The following LRP4 variants were observed in gnomAD, a reference collection of about 807,000 sequenced individuals.
LRP4 encodes the protein LDL receptor related protein 4, also known as low-density lipoprotein receptor-related protein 4.
A neutral mutation model predicts 220.3 loss-of-function variants in LRP4; 95 were observed. That is an observed-to-expected ratio of 0.43 (90% confidence interval 0.37 to 0.51). LRP4 has a LOEUF of 0.51. LRP4 is among the 20% of genes least tolerant of loss of function. The pLI is 0.00. For missense variants in LRP4, 1,925 were observed against 2,567.0 expected (o/e 0.75, Z 5.40); for synonymous variants, 903 against 954.6 (o/e 0.95, Z 1.00).
chr11:46,898,033 C>T (rs1332130875), intron 7 of LRP4, among the ~76,000 whole-genome samples: 24 of 145,110 alleles, frequency 1.7e-4, no homozygotes, highest in Admixed American at 4.1e-4. Context: ...CCGGACGGGG[C>T]GGCTGGCCGG....
chr11:46,908,470 T>C (rs545633520), intron 1 of LRP4, among the ~76,000 whole-genome samples: 304 of 152,264 alleles, frequency 2.0e-3, no homozygotes, highest in African/African-American at 7.1e-3. Flanking sequence ...AAAGGTTAAG[T>C]CTGTAGATAG....
Position 46,886,428 on chromosome 11 carries a change from C to T in LRP4, c.2321G>A (p.Ser774Asn), listed in dbSNP as rs1386127308. 5 of 1,613,896 alleles carry T rather than the reference C, an allele frequency of 3.1e-6. No homozygotes were observed. Among genetic ancestry groups the T allele is most frequent in the Admixed American group, 3.3e-5 (2 of 59,986 alleles). ...GGAGTCCCAGTCAAGGGCCACAGCACTGCGCACGTCAGCCAGTGGGATGAC... is the reference window on the plus strand; with the variant it reads ...GGAGTCCCAGTCAAGGGCCACAGCATTGCGCACGTCAGCCAGTGGGATGAC... ...DDVIPLADVR[S>N]AVALDWDSRD... Residue 774 changes from serine (S) to asparagine (N), a missense_variant, in exon 17 of 38, where the codon AGT becomes AAT. Transcript: ENST00000378623.
chr11:46,904,911 G>A (rs1021462992), intron 1 of LRP4, among the ~76,000 whole-genome samples: 2 of 149,488 alleles, frequency 1.3e-5, no homozygotes, highest in African/African-American at 2.5e-5. Context: ...GGGAGGTTGA[G>A]GCTGCAGTGA....
Position 46,899,932 on chromosome 11 carries a change from A to G in LRP4, c.361T>C (p.Tyr121His). ...EEDEFPCQNG[Y>H]CIRSLWHCDG... ...CAGTGCCACAGACTCCGGATGCAGTAGCCATTCTGGCAGGGAAACTCGTCC... is the reference window on the plus strand; with the variant it reads ...CAGTGCCACAGACTCCGGATGCAGTGGCCATTCTGGCAGGGAAACTCGTCC... The change falls in exon 4 of 38, where the codon TAC (tyrosine) becomes CAC (histidine). Residue 121 changes from tyrosine (Y) to histidine (H), a missense_variant. Coordinates refer to ENST00000378623, the MANE Select transcript of LRP4 (RefSeq NM_002334.4). The surrounding 1 kb of genome is among the most constrained non-coding windows in gnomAD (Gnocchi z 5.9). The G allele has an allele frequency of 6.2e-7, 1 of 1,613,954 alleles. No homozygotes were observed. The highest frequency in any genetic ancestry group is 8.5e-7 in the Non-Finnish European group (1 of 1,180,026).
At position 46,898,603 on chromosome 11, in the gene LRP4, C is replaced by T. The variant is rs769206514; in HGVS notation, c.751G>A (p.Asp251Asn). 9.9e-6 allele frequency: 16 copies of T among 1,614,184 alleles called. No homozygotes were observed. Among genetic ancestry groups the T allele is most frequent in the Middle Eastern group, 1.6e-4 (1 of 6,062 alleles). Residue 251 changes from aspartate to asparagine, a missense_variant, in exon 7 of 38, where the codon GAT becomes AAT. Transcript: ENST00000378623. ...TGGTCATCACAGTCCGCGTCACCATCGCAGCGCCAGCCTGCATTGATGCAC... is the reference window on the plus strand; with the variant it reads ...TGGTCATCACAGTCCGCGTCACCATTGCAGCGCCAGCCTGCATTGATGCAC... ...GLCINAGWRC[D>N]GDADCDDQSD... is the part of the protein sequence containing the mutation.
chr11:46,881,410 G>C (rs761185518), intron 20 of LRP4, among the ~76,000 whole-genome samples: 6 of 152,166 alleles, frequency 3.9e-5, no homozygotes, highest in Non-Finnish European at 8.8e-5. Flanking sequence ...ACAAGCATTA[G>C]TTGTGCTGGT....
chr11:46,896,828 A>G, intron 8 of LRP4, 41 bp downstream of exon 8: 2 of 1,613,664 alleles, frequency 1.2e-6, no homozygotes, highest in East Asian at 2.2e-5. Context: ...TTCCACCCCA[A>G]CTATAGGCTA....
intron 1 of LRP4, among the ~76,000 whole-genome samples, chr11:46,910,787 C>T (rs1565806927): frequency 6.6e-6 from 1 of 151,068 alleles, no homozygotes; most frequent in Non-Finnish European, 1.5e-5. Context: ...GATTCTCCTG[C>T]CTCAGCCTCC....
At chr11:46,878,459 A>AGAC (rs1466604985) in intron 22 of LRP4, among the ~76,000 whole-genome samples, 1 of 151,752 alleles carries the variant, frequency 6.6e-6, no homozygotes, top group Non-Finnish European at 1.5e-5. Context: ...TTTTCAGTAG[A>AGAC]GACGAGGTTT....
intron 1 of LRP4, among the ~76,000 whole-genome samples, chr11:46,906,193 T>C (rs1941756867): frequency 6.6e-6 from 1 of 152,122 alleles, no homozygotes; most frequent in Non-Finnish European, 1.5e-5. Flanking sequence ...TGGTGGCTCA[T>C]GCCTATAATC....
At position 46,886,379 on chromosome 11, in the gene LRP4, T is replaced by C. The variant is rs1193447285; in HGVS notation, c.2370A>G (p.Thr790=). The C allele has an allele frequency of 6.2e-7, 1 of 1,608,282 alleles. No individual in the cohort carries two copies. The highest frequency in any genetic ancestry group is 1.7e-5 in the Admixed American group (1 of 58,986). The change falls in exon 17 of 38, where the codon ACA becomes ACG. Residue 790 remains threonine (T), a synonymous_variant. Transcript: ENST00000378623. ...WDSRDDHVYW[T]DVSTDTISRA... ...TGCTGATGGTATCAGTGCTGACATC[T>C]GTCCAGTACACGTGGTCATCCCGGG...
In LRP4 at chr11:46,898,665, G is replaced by C; in HGVS notation, c.689C>G (p.Pro230Arg). 1 of 1,614,118 alleles carries C rather than the reference G, an allele frequency of 6.2e-7. No individual in the cohort carries two copies. The highest frequency in any genetic ancestry group is 8.5e-7 in the Non-Finnish European group (1 of 1,180,036). Reference sequence around the variant, plus strand: ...ACACATGAACTCCCCAGAGCGGCAGGGCTGGTGGGAGGCTAGGGAAACACA... The same window carrying C: ...ACACATGAACTCCCCAGAGCGGCAGCGCTGGTGGGAGGCTAGGGAAACACA... ...SDESDCSSHQ[P>R]CRSGEFMCDS... Residue 230 changes from proline (P) to arginine (R), a missense_variant, in exon 7 of 38, where the codon CCC (proline) becomes CGC (arginine). This residue lies in a region of LRP4 where 412 missense variants were observed against 505.4 expected (regional missense o/e 0.82). Coordinates refer to ENST00000378623, the MANE Select transcript of LRP4 (RefSeq NM_002334.4).
rs968626683 is a variant in LRP4, at chr11:46,890,808, G to A, written c.1698-314C>T. 6.6e-5 allele frequency among the ~76,000 whole-genome samples: 10 copies of A among 151,948 alleles called. 1 individual carries two copies. Among genetic ancestry groups the A allele is most frequent in the Admixed American group, 6.6e-4 (10 of 15,234 alleles). ...GAGGTCTTGCTATGTTACCCAAGCT[G>A]GTCTCAAACTCCTGAGCTCAAGCAA... On this transcript the variant is annotated intron_variant, in intron 13 of 37. Transcript: ENST00000378623. This position sits in a 1 kb window ranked among gnomAD's most constrained non-coding sequence, Gnocchi z 5.3.
chr11:46,862,599 T>C lies in LRP4; in HGVS notation c.5385+7A>G, dbSNP rs373598937. On this transcript the variant is annotated splice_region_variant and intron_variant, in intron 37 of 37. Transcript: ENST00000378623. ...AAAGACCCTTGAATATAAATTTCAA[T>C]TTTTACCTCTTTCTTATAGCACAGC... is the stretch of plus-strand genomic sequence containing the variant. 6.2e-7 allele frequency: 1 copy of C among 1,614,042 alleles called. No individual in the cohort carries two copies. Among genetic ancestry groups the C allele is most frequent in the East Asian group, 2.2e-5 (1 of 44,874 alleles).
In LRP4 at chr11:46,873,595, T is replaced by C. The variant is rs747752349; in HGVS notation, c.4230-2A>G. The C allele has an allele frequency of 1.2e-6, 2 of 1,610,654 alleles. No individual in the cohort carries two copies. Among genetic ancestry groups the C allele is most frequent in the South Asian group, 1.1e-5 (1 of 90,968 alleles). On this transcript the variant is annotated splice_acceptor_variant, in intron 28 of 37. Transcript: ENST00000378623. LOFTEE classifies it high-confidence loss of function. The surrounding 1 kb of genome is among the most constrained non-coding windows in gnomAD (Gnocchi z 4.2). ...TTGCTGCCGTTCAGGTCTGCTCGCC[T>C]TGGGGAGAGCCCAGTGTTGGATGAG... is the stretch of plus-strand genomic sequence containing the variant.
chr11:46,871,613 T>C lies in LRP4; in HGVS notation c.4604A>G (p.His1535Arg), dbSNP rs754937150. 1 of 1,612,244 alleles carries C rather than the reference T, an allele frequency of 6.2e-7. No homozygotes were observed. The highest frequency in any genetic ancestry group is 8.5e-7 in the Non-Finnish European group (1 of 1,179,046). The change falls in exon 31 of 38, where the codon CAT becomes CGT. Residue 1535 changes from histidine to arginine, a missense_variant. Physicochemically the swap from His to Arg is conservative, Grantham distance 29 (BLOSUM62 0). Coordinates refer to ENST00000378623, the MANE Select transcript of LRP4 (RefSeq NM_002334.4). ...GTCAGCACTCTCGATCCGGTCCAGA[T>C]GCGCATCCACCCAGTAGATCCTGCG... ...DTRRIYWVDA[H>R]LDRIESADLN...
At chr11:46,887,459 G>C (rs1454746223) in intron 16 of LRP4, among the ~76,000 whole-genome samples, 1 of 152,074 alleles carries the variant, frequency 6.6e-6, no homozygotes, top group Non-Finnish European at 1.5e-5. Flanking sequence ...AGCACTTTGA[G>C]GGGCTGAGGT....
chr11:46,902,724 T>C (rs1941690068), intron 2 of LRP4, 59 bp downstream of exon 2: 1 of 1,602,550 alleles, frequency 6.2e-7, no homozygotes, highest in South Asian at 1.1e-5. Flanking sequence ...GCCTTGTCCT[T>C]GCCCCCCACC....
intron 20 of LRP4, among the ~76,000 whole-genome samples, chr11:46,881,179 AG>A (rs1461442161): frequency 6.6e-6 from 1 of 151,420 alleles, no homozygotes; most frequent in Non-Finnish European, 1.5e-5. Flanking sequence ...AAATGTGCAC[AG>A]GAATAGTCTG....
Sources: allele counts gnomAD v4.1 joint callset (sites outside exome capture counted in the v4.1 genomes callset), GRCh38; gene constraint gnomAD v4.1.1; regional missense constraint gnomAD v4.1.1; non-coding constraint Gnocchi (gnomAD v3.1); transcripts MANE v1.5; gene names NCBI Gene and HGNC (gene_info 2026-07-23, HGNC 2026-07-21).